Variants in MKX observed in about 807,000 individuals in gnomAD.
The protein encoded by MKX is mohawk homeobox.
In MKX, 13 loss-of-function variants were observed where a neutral mutation model predicts 36.0. The ratio of observed to expected loss-of-function variants is 0.36; its 90% CI spans 0.24 to 0.57. MKX has a LOEUF of 0.57. MKX is among the 20% of genes least tolerant of loss of function. The probability of loss-of-function intolerance (pLI) is 0.79; values close to 1 mark genes in which losing one functional copy is unlikely to be tolerated. For missense variants in MKX, 458 were observed against 456.4 expected (o/e 1.00, Z -0.03); for synonymous variants, 176 against 178.3 (o/e 0.99, Z 0.10).
chr10:27,695,257 G>A (rs1022321797), intron 5 of MKX, among the ~76,000 whole-genome samples: 1 of 152,052 alleles, frequency 6.6e-6, no homozygotes, highest in Non-Finnish European at 1.5e-5. Flanking sequence ...ACTGAACATA[G>A]AAGGAGAAAC....
chr10:27,721,158 T>C (rs1834368112), intron 5 of MKX, among the ~76,000 whole-genome samples: 1 of 152,002 alleles, frequency 6.6e-6, no homozygotes, highest in African/African-American at 2.4e-5. Flanking sequence ...TTAAAGTCAA[T>C]GAAATCCCAA....
Position 27,744,117 on chromosome 10 carries a change from G to C in MKX, c.-82-620C>G, listed in dbSNP as rs1834990531. 6.6e-6 allele frequency among the ~76,000 whole-genome samples: 1 copy of C among 152,104 alleles called. No homozygotes were observed. Among genetic ancestry groups the C allele is most frequent in the South Asian group, 2.1e-4 (1 of 4,824 alleles). ...CCAAGGTCCCCCGGGGTGAGGTTGGGTTCAAGGACAGGAAAAAGTTAAGTG... is the reference window on the plus strand; with the variant it reads ...CCAAGGTCCCCCGGGGTGAGGTTGGCTTCAAGGACAGGAAAAAGTTAAGTG... On this transcript the variant is annotated intron_variant, in intron 1 of 6. Transcript: ENST00000419761. This position sits in a 1 kb window ranked among gnomAD's most constrained non-coding sequence, Gnocchi z 5.6.
At chr10:27,739,926 T>C (rs1187817677) in intron 3 of MKX, among the ~76,000 whole-genome samples, 1 of 152,212 alleles carries the variant, frequency 6.6e-6, no homozygotes, top group African/African-American at 2.4e-5. Flanking sequence ...CTGGAATAAT[T>C]TATTTCAAAA....
intron 5 of MKX, among the ~76,000 whole-genome samples, chr10:27,680,007 A>G (rs571420961): frequency 2.0e-5 from 3 of 152,010 alleles, no homozygotes; most frequent in Non-Finnish European, 4.4e-5. Context: ...CACCGGCTCC[A>G]CTCGAGAAGT....
intron 5 of MKX, among the ~76,000 whole-genome samples, chr10:27,732,844 C>T (rs2132637382): frequency 6.6e-6 from 1 of 152,156 alleles, no homozygotes; most frequent in Non-Finnish European, 1.5e-5. Context: ...ATCTCCTGGG[C>T]TCAAGCGGTC....
chr10:27,719,309 G>T (rs1432951352), intron 5 of MKX, among the ~76,000 whole-genome samples: 2 of 152,106 alleles, frequency 1.3e-5, no homozygotes, highest in Non-Finnish European at 2.9e-5. Context: ...TCCCAACAGG[G>T]CACAGATGTT....
chr10:27,692,277 G>A (rs1306967594), intron 5 of MKX, among the ~76,000 whole-genome samples: 3 of 152,182 alleles, frequency 2.0e-5, no homozygotes, highest in Admixed American at 6.5e-5. Flanking sequence ...AGGTGAGGTG[G>A]TAAAACATCT....
chr10:27,675,347 A>C lies in MKX; in HGVS notation c.941T>G (p.Leu314Ter). 6.2e-7 allele frequency: 1 copy of C among 1,614,206 alleles called. No individual in the cohort carries two copies. Among genetic ancestry groups the C allele is most frequent in the Non-Finnish European group, 8.5e-7 (1 of 1,180,022 alleles). Residue 314 changes from leucine (L) to a stop codon, truncating the protein, a stop_gained, in exon 7 of 7, where the codon TTA becomes TGA. Coordinates refer to ENST00000419761, the MANE Select transcript of MKX (RefSeq NM_173576.3). LOFTEE classifies it high-confidence loss of function. ...YWKEINAAMA[L>*]TNLAQGKDKL... ...GTCCTTTCCCTGTGCAAGATTTGTT[A>C]AGGCCATAGCTGCGTTGATCTCCTT...
At chr10:27,684,816 T>C (rs1426208139) in intron 5 of MKX, among the ~76,000 whole-genome samples, 2 of 151,428 alleles carry the variant, frequency 1.3e-5, no homozygotes, top group Admixed American at 1.3e-4. Context: ...GAGCGGGGGG[T>C]TTGAGATGAA....
chr10:27,710,998 T>C (rs1298170140), intron 5 of MKX, among the ~76,000 whole-genome samples: 1 of 152,230 alleles, frequency 6.6e-6, no homozygotes, highest in East Asian at 1.9e-4. Context: ...CAATTATATT[T>C]ATAAGTCATA....
chr10:27,715,431 A>G (rs1907382), intron 5 of MKX, among the ~76,000 whole-genome samples: 140,183 of 152,212 alleles, frequency 0.92, 64,559 homozygotes, highest in East Asian at 1. Context: ...TTAGACTGAA[A>G]GTTGTTACTG....
chr10:27,724,470 G>A (rs1428751804), intron 5 of MKX, among the ~76,000 whole-genome samples: 4 of 152,082 alleles, frequency 2.6e-5, no homozygotes, highest in African/African-American at 7.2e-5. Flanking sequence ...TCACCCTGTA[G>A]CACCTCCTAC....
At chr10:27,691,756 T>C (rs748032362) in intron 5 of MKX, among the ~76,000 whole-genome samples, 4 of 152,224 alleles carry the variant, frequency 2.6e-5, no homozygotes, top group Non-Finnish European at 5.9e-5. Context: ...TCTTTGTGTC[T>C]ATGTGTACTC....
At chr10:27,706,581 T>TG (rs1836760705) in intron 5 of MKX, among the ~76,000 whole-genome samples, 2 of 111,970 alleles carry the variant, frequency 1.8e-5, no homozygotes, top group African/African-American at 3.0e-5. Context: ...GTGTGTGTGT[T>TG]TAATAATAGC....
In MKX at chr10:27,673,130, A is replaced by T. The variant is rs180757349; in HGVS notation, c.*2099T>A. ...TAAATTAAAAAGTCATTGCAATTGG[A>T]GATATTACCAAGGATGTGCTTACTA... On this transcript the variant is annotated 3_prime_UTR_variant, in exon 7 of 7. Transcript: ENST00000419761. 17 of 152,312 alleles carry T rather than the reference A, an allele frequency of 1.1e-4. No individual in the cohort carries two copies. Among genetic ancestry groups the T allele is most frequent in the African/African-American group, 3.8e-4 (16 of 41,580 alleles). 9.4% of individuals were successfully genotyped at this position (152,312 alleles called of 1,614,324 possible). A position where few individuals can be genotyped will look rare whatever the true frequency, so the allele number is the denominator to read the frequency against.
Position 27,697,546 on chromosome 10 carries a change from C to T in MKX, c.839-21992G>A, listed in dbSNP as rs57812861. ...GCCTCAGAGAAGCCCACTGACAGGT[C>T]CAAGGCCAAATTGTTAGTCAACAAT... On this transcript the variant is annotated intron_variant, in intron 5 of 6. Transcript: ENST00000419761. Among the ~76,000 whole-genome samples, 2,349 of 152,286 alleles carry T rather than the reference C, an allele frequency of 0.015. 155 individuals are homozygous for T. The East Asian group carries it at 0.2, about 13-fold the overall frequency.
At chr10:27,716,703 C>T (rs1168578960) in intron 5 of MKX, among the ~76,000 whole-genome samples, 6 of 152,242 alleles carry the variant, frequency 3.9e-5, no homozygotes, top group African/African-American at 9.6e-5. Flanking sequence ...TTTATAAGCT[C>T]ACACTCATCA....
chr10:27,688,046 A>G (rs1417191459), intron 5 of MKX, among the ~76,000 whole-genome samples: 3 of 152,128 alleles, frequency 2.0e-5, no homozygotes, highest in South Asian at 2.1e-4. Flanking sequence ...ACTTCTCTGC[A>G]TTTCATCTTT....
intron 5 of MKX, among the ~76,000 whole-genome samples, chr10:27,694,250 T>C (rs921487716): frequency 1.3e-5 from 2 of 151,532 alleles, no homozygotes; most frequent in African/African-American, 4.9e-5. Flanking sequence ...ACAACAGAAA[T>C]AGAGGGAAAG....
Sources: gnomAD v4.1 joint callset for allele counts (sites outside exome capture counted in the v4.1 genomes callset) on GRCh38, gnomAD v4.1.1 for gene constraint, Gnocchi (gnomAD v3.1) non-coding constraint, MANE v1.5 for transcripts, NCBI Gene and HGNC (gene_info 2026-07-23, HGNC 2026-07-21) for gene names.